ANKRD28: variants seen among roughly 807,000 people sequenced by gnomAD.
The protein encoded by ANKRD28 is ankyrin repeat domain 28.
In ANKRD28, 44 loss-of-function variants were observed where a neutral mutation model predicts 126.5. The ratio of observed to expected loss-of-function variants is 0.35; its 90% CI spans 0.27 to 0.45. The LOEUF is 0.45. Ranked by LOEUF, ANKRD28 falls within the 20% of genes least tolerant of loss-of-function variation. The probability of loss-of-function intolerance (pLI) is 1.00; values close to 1 mark genes in which losing one functional copy is unlikely to be tolerated. For missense variants in ANKRD28, 1,110 were observed against 1,316.6 expected, an observed-to-expected ratio of 0.84 and a Z score of 2.43; for synonymous variants, 442 against 468.5, an observed-to-expected ratio of 0.94 and a Z score of 0.73.
At chr3:15,782,793 G>C (rs916153856) in intron 2 of ANKRD28, among the ~76,000 whole-genome samples, 3 of 152,124 alleles carry the variant, frequency 2.0e-5, no homozygotes, top group African/African-American at 2.4e-5. Context: ...AAGCAGATCA[G>C]AGTGGGAACC....
chr3:15,819,871 C>G (rs995947866), intron 1 of ANKRD28, among the ~76,000 whole-genome samples: 1 of 152,122 alleles, frequency 6.6e-6, no homozygotes, highest in African/African-American at 2.4e-5. Context: ...GATTCTAATT[C>G]AGAGCTAAGG....
Position 15,724,362 on chromosome 3 carries a change from T to C in ANKRD28, c.783+20A>G. On this transcript the variant is annotated intron_variant, in intron 7 of 27. Coordinates refer to ENST00000683139, the MANE Select transcript of ANKRD28 (RefSeq NM_001349278.2). Reference sequence around the variant, plus strand: ...ATAAAAGGGTTCCATAATTTTATACTGTTCAATTAATATACCTACATCAAC... The same window carrying C: ...ATAAAAGGGTTCCATAATTTTATACCGTTCAATTAATATACCTACATCAAC... 6.3e-7 allele frequency: 1 copy of C among 1,581,968 alleles called. No individual in the cohort carries two copies. Among genetic ancestry groups the C allele is most frequent in the Non-Finnish European group, 8.6e-7 (1 of 1,163,762 alleles).
chr3:15,738,074 A>G (rs1301933003), intron 4 of ANKRD28, among the ~76,000 whole-genome samples: 3 of 152,192 alleles, frequency 2.0e-5, no homozygotes, highest in Admixed American at 6.5e-5. Flanking sequence ...CAAGGAATTC[A>G]GTATGCCATC....
rs569531326 is a variant in ANKRD28, at chr3:15,724,511, T to G, written c.654A>C (p.Val218=). 1.5e-5 allele frequency: 24 copies of G among 1,579,598 alleles called. No individual in the cohort carries two copies. The highest frequency in any genetic ancestry group is 2.0e-5 in the Non-Finnish European group (23 of 1,162,206). The part of the protein sequence containing the change: ...HWAAYMGHIE[V]VKLLVSHGAE... ...CTCCATGCGACACAAGCAATTTCAC[T>G]ACTTCAATGTGACCTAAAAATGTGT... The change falls in exon 7 of 28, where the codon GTA becomes GTC. Residue 218 remains valine, a synonymous_variant. Coordinates refer to ENST00000683139, the MANE Select transcript of ANKRD28 (RefSeq NM_001349278.2).
intron 1 of ANKRD28, among the ~76,000 whole-genome samples, chr3:15,821,919 A>G (rs1345161): frequency 0.81 from 124,021 of 152,180 alleles, 50,680 homozygotes; most frequent in East Asian, 0.93. Flanking sequence ...GTACTGAAGC[A>G]TCTTTCCCAG....
At chr3:15,794,043 C>A (rs2060158003) in intron 2 of ANKRD28, among the ~76,000 whole-genome samples, 1 of 152,124 alleles carries the variant, frequency 6.6e-6, no homozygotes, top group African/African-American at 2.4e-5. Flanking sequence ...ACACTCCAGC[C>A]TGGGCAACAG....
upstream of ANKRD28, among the ~76,000 whole-genome samples, chr3:15,802,831 C>G (rs569256617): frequency 6.6e-6 from 1 of 152,166 alleles, no homozygotes; most frequent in Non-Finnish European, 1.5e-5. Context: ...ATCCATTCAC[C>G]TAGTATACAT....
chr3:15,859,305 C>A (rs944545991), intron 1 of ANKRD28: 11 of 1,507,298 alleles, frequency 7.3e-6, no homozygotes, highest in Non-Finnish European at 8.8e-6. Flanking sequence ...TCCCAGCGGC[C>A]CACACCGCCG....
At chr3:15,767,356 T>A (rs2058786731) in intron 2 of ANKRD28, among the ~76,000 whole-genome samples, 2 of 152,222 alleles carry the variant, frequency 1.3e-5, no homozygotes, top group African/African-American at 2.4e-5. Context: ...ACATCCCTCA[T>A]TTTTGATAAA....
intron 2 of ANKRD28, among the ~76,000 whole-genome samples, chr3:15,774,866 T>C (rs1379424304): frequency 2.0e-5 from 3 of 152,010 alleles, no homozygotes; most frequent in Non-Finnish European, 4.4e-5. Context: ...AGGCAGGAGA[T>C]TTATTTATGT....
intron 1 of ANKRD28, among the ~76,000 whole-genome samples, chr3:15,795,749 G>A (rs1293649566): frequency 6.6e-6 from 1 of 152,064 alleles, no homozygotes. Context: ...AGCATTACAT[G>A]TATAAAGATA....
chr3:15,818,124 T>C (rs1332778334), intron 1 of ANKRD28, among the ~76,000 whole-genome samples: 3 of 152,046 alleles, frequency 2.0e-5, no homozygotes, highest in Admixed American at 6.6e-5. Flanking sequence ...AGAAAACAGA[T>C]ACAGGAGCTC....
At position 15,833,058 on chromosome 3, in the gene ANKRD28, T is replaced by C. The variant is rs2061239724; in HGVS notation, c.27+26319A>G. On this transcript the variant is annotated intron_variant, in intron 1 of 27. Coordinates refer to the ANKRD28 transcript ENST00000399451. The surrounding 1 kb of genome is among the most constrained non-coding windows in gnomAD (Gnocchi z 4.4). ...ACATTCCCACCAATAGTGTATAGTGTATAAGCATTCCCTTTTCTTCACACC... is the reference window on the plus strand; with the variant it reads ...ACATTCCCACCAATAGTGTATAGTGCATAAGCATTCCCTTTTCTTCACACC... Among the ~76,000 whole-genome samples the C allele has an allele frequency of 6.6e-6, 1 of 152,228 alleles. No homozygotes were observed. Among genetic ancestry groups the C allele is most frequent in the Non-Finnish European group, 1.5e-5 (1 of 68,042 alleles).
chr3:15,762,227 A>AC (rs1559489452), intron 3 of ANKRD28, among the ~76,000 whole-genome samples: 1 of 145,484 alleles, frequency 6.9e-6, no homozygotes, highest in African/African-American at 2.6e-5. Context: ...AACAAAAAAA[A>AC]AAAAACTCTC....
chr3:15,816,885 A>T lies in ANKRD28; in HGVS notation c.28-21579T>A, dbSNP rs2060842391. Reference sequence around the variant, plus strand: ...AATCATAGAGTTAAAACACATCTGAAAACCCATCTCTATTAAAAAAGAGGA... The same window carrying T: ...AATCATAGAGTTAAAACACATCTGATAACCCATCTCTATTAAAAAAGAGGA... On this transcript the variant is annotated intron_variant, in intron 1 of 27. Coordinates refer to the ANKRD28 transcript ENST00000399451. This position sits in a 1 kb window ranked among gnomAD's most constrained non-coding sequence, Gnocchi z 5.0. Among the ~76,000 whole-genome samples, 1 of 152,152 alleles carries T rather than the reference A, an allele frequency of 6.6e-6. No homozygotes were observed. Among genetic ancestry groups the T allele is most frequent in the Non-Finnish European group, 1.5e-5 (1 of 68,018 alleles).
At chr3:15,695,570 A>T (rs1363929487) in intron 15 of ANKRD28, among the ~76,000 whole-genome samples, 4 of 152,154 alleles carry the variant, frequency 2.6e-5, no homozygotes, top group Non-Finnish European at 5.9e-5. Context: ...AGGTAAGTCT[A>T]AATAAGAGCA....
intron 2 of ANKRD28, among the ~76,000 whole-genome samples, chr3:15,770,359 C>T (rs2058937826): frequency 6.6e-6 from 1 of 150,990 alleles, no homozygotes; most frequent in African/African-American, 2.4e-5. Context: ...CATAAATAGT[C>T]CACATTTCTA....
At chr3:15,778,143 G>A (rs2059383984) in intron 2 of ANKRD28, among the ~76,000 whole-genome samples, 1 of 152,112 alleles carries the variant, frequency 6.6e-6, no homozygotes, top group Admixed American at 6.6e-5. Context: ...CACTCTGAAC[G>A]TCTCCCTTGT....
chr3:15,670,723 G>T (rs1162289191), intron 27 of ANKRD28, among the ~76,000 whole-genome samples, 167 bp from the exon 28 acceptor site: 2 of 152,160 alleles, frequency 1.3e-5, no homozygotes, highest in Admixed American at 6.5e-5. Context: ...AGTAGAAAAA[G>T]AATAGCCATA....
Sources: gnomAD v4.1 joint callset for allele counts (sites outside exome capture counted in the v4.1 genomes callset) on GRCh38, gnomAD v4.1.1 for gene constraint, Gnocchi (gnomAD v3.1) non-coding constraint, MANE v1.5 for transcripts, NCBI Gene and HGNC (gene_info 2026-07-23, HGNC 2026-07-21) for gene names.